USH2A: variants seen among roughly 807,000 people sequenced by gnomAD.
The protein encoded by USH2A is Usher syndrome 2A (autosomal recessive, mild).
In USH2A, 443 loss-of-function variants were observed where a neutral mutation model predicts 538.9. The ratio of observed to expected loss-of-function variants is 0.82; its 90% CI spans 0.76 to 0.89. The LOEUF (loss-of-function observed/expected upper bound fraction) is 0.89. Ranked by LOEUF, USH2A falls within the 40% of genes least tolerant of loss-of-function variation. The probability of loss-of-function intolerance (pLI) is 0.00; values close to 1 mark genes in which losing one functional copy is unlikely to be tolerated. For synonymous variants in USH2A, 2,413 were observed against 2,273.5 expected (o/e 1.06, Z -1.75); for missense variants, 6,633 against 6,324.8 (o/e 1.05, Z -1.65).
chr1:215,662,831 C>T (rs1158196815), intron 64 of USH2A, among the ~76,000 whole-genome samples: 1 of 152,126 alleles, frequency 6.6e-6, no homozygotes, highest in Non-Finnish European at 1.5e-5. Flanking sequence ...GTCGGAAATA[C>T]ATTAGTGAGA....
intron 61 of USH2A, among the ~76,000 whole-genome samples, chr1:215,698,537 C>A (rs1332086933): frequency 1.3e-5 from 2 of 152,164 alleles, no homozygotes; most frequent in African/African-American, 4.8e-5. Context: ...GAGATGGTAT[C>A]TCATTGTGGT....
chr1:216,100,422 A>T lies in USH2A; in HGVS notation c.4628-3209T>A, dbSNP rs74844508. On this transcript the variant is annotated intron_variant, in intron 21 of 71. Transcript: ENST00000307340. Reference sequence around the variant, plus strand: ...AGCAGAGAACAATTATATTTCTACCAACTCTTTTCTTCTCTTAAGCTTCTC... The same window carrying T: ...AGCAGAGAACAATTATATTTCTACCTACTCTTTTCTTCTCTTAAGCTTCTC... 9.5e-4 allele frequency among the ~76,000 whole-genome samples: 145 copies of T among 152,296 alleles called. 4 individuals carry two copies. In the East Asian group the frequency reaches 0.023, roughly 24 times the overall value.
At chr1:216,315,255 A>G (rs2037485249) in intron 9 of USH2A, among the ~76,000 whole-genome samples, 1 of 152,190 alleles carries the variant, frequency 6.6e-6, no homozygotes, top group Admixed American at 6.5e-5. Context: ...TAAGTGGGCC[A>G]GAGATACCAT....
chr1:215,891,112 T>G (rs185548493), intron 40 of USH2A, among the ~76,000 whole-genome samples: 2 of 152,314 alleles, frequency 1.3e-5, no homozygotes, highest in East Asian at 3.9e-4. Context: ...GATGATAGTA[T>G]TATGGGTGAA....
chr1:216,356,522 C>G (rs2038394671), intron 4 of USH2A, among the ~76,000 whole-genome samples: 1 of 151,918 alleles, frequency 6.6e-6, no homozygotes, highest in Non-Finnish European at 1.5e-5. Flanking sequence ...CCTTCCAGAA[C>G]TTTAATATGT....
At chr1:216,338,300 A>T (rs1216292675) in intron 4 of USH2A, among the ~76,000 whole-genome samples, 1 of 151,504 alleles carries the variant, frequency 6.6e-6, no homozygotes, top group Non-Finnish European at 1.5e-5. Context: ...ACAAGATGTT[A>T]AACACACTAC....
intron 32 of USH2A, among the ~76,000 whole-genome samples, chr1:216,024,330 T>C (rs981215724): frequency 6.6e-6 from 1 of 152,178 alleles, no homozygotes; most frequent in Non-Finnish European, 1.5e-5. Context: ...GTATATTATT[T>C]ATCACATCTA....
intron 37 of USH2A, among the ~76,000 whole-genome samples, chr1:215,947,855 T>C (rs1302939038): frequency 6.6e-6 from 1 of 152,216 alleles, no homozygotes; most frequent in African/African-American, 2.4e-5. Context: ...ATAATTATTA[T>C]AGCATAATAA....
At chr1:216,364,906 C>T (rs376933782) in intron 4 of USH2A, 47 bp downstream of exon 4, 121 of 1,608,182 alleles carry the variant, frequency 7.5e-5, no homozygotes, top group Non-Finnish European at 9.2e-5. Flanking sequence ...TTTTTAAGAA[C>T]AATGTAATTG....
chr1:216,040,281 G>T (rs1470574556), intron 32 of USH2A, among the ~76,000 whole-genome samples: 1 of 152,036 alleles, frequency 6.6e-6, no homozygotes, highest in South Asian at 2.1e-4. Flanking sequence ...TTATGGCTTG[G>T]TGTGAGATAG....
At chr1:216,231,866 T>A in intron 14 of USH2A, 87 bp downstream of exon 14, 1 of 1,552,352 alleles carries the variant, frequency 6.4e-7, no homozygotes, top group African/African-American at 1.4e-5. Context: ...AAAATACTTT[T>A]TACAGAAGTT....
chr1:215,733,312 A>G (rs1459212689), intron 60 of USH2A, among the ~76,000 whole-genome samples: 1 of 152,138 alleles, frequency 6.6e-6, no homozygotes, highest in East Asian at 1.9e-4. Flanking sequence ...ACCATTCATA[A>G]GGGATCTGAC....
intron 3 of USH2A, among the ~76,000 whole-genome samples, chr1:216,375,098 T>C (rs774182770): frequency 5.3e-5 from 8 of 152,240 alleles, no homozygotes; most frequent in Non-Finnish European, 8.8e-5. Context: ...CTTACTTCTA[T>C]ATTATTTCTA....
At chr1:216,177,093 C>T (rs1245469648) in intron 20 of USH2A, among the ~76,000 whole-genome samples, 1 of 152,042 alleles carries the variant, frequency 6.6e-6, no homozygotes, top group Admixed American at 6.6e-5. Context: ...AGTGCAATTG[C>T]TGTATCATAT....
chr1:215,943,354 GA>G (rs1211079634), intron 37 of USH2A, among the ~76,000 whole-genome samples: 3 of 152,020 alleles, frequency 2.0e-5, no homozygotes, highest in Admixed American at 6.6e-5. Context: ...AAACAAGTTA[GA>G]AAAAGCCAGG....
At chr1:216,356,895 C>G (rs889829332) in intron 4 of USH2A, among the ~76,000 whole-genome samples, 1 of 152,086 alleles carries the variant, frequency 6.6e-6, no homozygotes, top group Non-Finnish European at 1.5e-5. Context: ...CAGGTTACCC[C>G]AAACTATTTC....
intron 30 of USH2A, among the ~76,000 whole-genome samples, chr1:216,066,664 A>C (rs2102542915): frequency 6.6e-6 from 1 of 152,284 alleles, no homozygotes; most frequent in Non-Finnish European, 1.5e-5. Flanking sequence ...GGAGGCATGT[A>C]GTTGTATCTC....
chr1:216,060,617 G>T (rs1204786612), intron 30 of USH2A, among the ~76,000 whole-genome samples: 2 of 152,090 alleles, frequency 1.3e-5, no homozygotes, highest in African/African-American at 4.8e-5. Context: ...ACCTGAAGAA[G>T]CAATATAACC....
At chr1:215,671,489 C>G (rs1657816300) in intron 63 of USH2A, among the ~76,000 whole-genome samples, 196 bp from the exon 64 acceptor site, 1 of 152,102 alleles carries the variant, frequency 6.6e-6, no homozygotes, top group African/African-American at 2.4e-5. Context: ...GATTGCGCCA[C>G]TGCACTCCCG....
Sources: allele counts gnomAD v4.1 joint callset (sites outside exome capture counted in the v4.1 genomes callset), GRCh38; gene constraint gnomAD v4.1.1; transcripts MANE v1.5; gene names NCBI Gene and HGNC (gene_info 2026-07-23, HGNC 2026-07-21).